CRAMP1: variants seen among roughly 807,000 people sequenced by gnomAD.
The protein encoded by CRAMP1 is cramped chromatin regulator 1.
CRAMP1 carries 50 observed loss-of-function variants against 115.4 expected under a neutral mutation model. The observed-to-expected ratio is 0.43, with a 90% CI of 0.35 to 0.55. CRAMP1 has a LOEUF of 0.55. Ranked by LOEUF, CRAMP1 falls within the 20% of genes least tolerant of loss-of-function variation. The pLI is 0.01. For synonymous variants in CRAMP1, 866 were observed against 745.4 expected (o/e 1.16, Z -2.64); for missense variants, 1,679 against 1,721.7 (o/e 0.98, Z 0.44).
At chr16:1,636,096 CGTG>C (rs1199037629) in intron 4 of CRAMP1, among the ~76,000 whole-genome samples, 5 of 152,116 alleles carry the variant, frequency 3.3e-5, no homozygotes, top group Non-Finnish European at 5.9e-5. Context: ...TGAGGCCAGG[CGTG>C]GTGGCTCACG....
intron 5 of CRAMP1, among the ~76,000 whole-genome samples, chr16:1,640,012 A>G (rs2036618992): frequency 6.6e-6 from 1 of 152,130 alleles, no homozygotes; most frequent in Non-Finnish European, 1.5e-5. Flanking sequence ...GAGGTGGGGC[A>G]CGGTGACCCT....
At chr16:1,640,014 G>A (rs1418899621) in intron 5 of CRAMP1, among the ~76,000 whole-genome samples, 2 of 152,124 alleles carry the variant, frequency 1.3e-5, no homozygotes, top group Non-Finnish European at 2.9e-5. Context: ...GGTGGGGCAC[G>A]GTGACCCTGT....
chr16:1,659,368 T>G (rs1185461412), intron 10 of CRAMP1, among the ~76,000 whole-genome samples: 1 of 152,082 alleles, frequency 6.6e-6, no homozygotes, highest in Non-Finnish European at 1.5e-5. Flanking sequence ...CCAGTGACTT[T>G]TATTGATTGA....
At chr16:1,645,992 G>A (rs1055752393) in intron 6 of CRAMP1, among the ~76,000 whole-genome samples, 1 of 151,938 alleles carries the variant, frequency 6.6e-6, no homozygotes, top group South Asian at 2.1e-4. Flanking sequence ...CTGTAATTTT[G>A]CCTTTTCCAG....
chr16:1,652,444 G>A (rs2036732399), intron 6 of CRAMP1, 52 bp from the exon 7 acceptor site: 16 of 1,492,792 alleles, frequency 1.1e-5, no homozygotes, highest in African/African-American at 1.4e-5. Flanking sequence ...TGGCCCTTCC[G>A]TCCTTCTGTT....
intron 11 of CRAMP1, among the ~76,000 whole-genome samples, chr16:1,661,725 A>G (rs1266322660): frequency 6.6e-6 from 1 of 151,310 alleles, no homozygotes; most frequent in African/African-American, 2.4e-5. Context: ...CCACCCGAGT[A>G]GTTGGGATTA....
chr16:1,626,014 G>T lies in CRAMP1; in HGVS notation c.388G>T (p.Val130Phe). 6.4e-7 allele frequency: 1 copy of T among 1,551,692 alleles called. No homozygotes were observed. The change falls in exon 3 of 21, where the codon GTT (valine) becomes TTT (phenylalanine). Residue 130 changes from valine to phenylalanine, a missense_variant. Coordinates refer to ENST00000397412, the MANE Select transcript of CRAMP1 (RefSeq NM_020825.4). ...GGSSSGNVSGVAPAAPAGGSR... is the reference protein window; with the variant it reads ...GGSSSGNVSGFAPAAPAGGSR... Reference sequence around the variant, plus strand: ...ATCATCGTCTGGAAATGTGTCTGGGGTTGCCCCTGCTGCCCCTGCAGGGGG... The same window carrying T: ...ATCATCGTCTGGAAATGTGTCTGGGTTTGCCCCTGCTGCCCCTGCAGGGGG...
intron 4 of CRAMP1, among the ~76,000 whole-genome samples, chr16:1,634,021 C>T (rs966526727): frequency 1.2e-4 from 18 of 147,542 alleles, no homozygotes; most frequent in Non-Finnish European, 1.9e-4. Context: ...AGCAAGACTC[C>T]GTCTCAAAAA....
chr16:1,612,468 C>G lies in CRAMP1; in HGVS notation c.-191C>G, dbSNP rs572558136. The G allele has an allele frequency of 2.0e-5, 3 of 151,348 alleles. No individual in the cohort carries two copies. Among genetic ancestry groups the G allele is most frequent in the East Asian group, 1.9e-4 (1 of 5,182 alleles). 9.4% of individuals were successfully genotyped at this position (151,348 alleles called of 1,614,324 possible). A position where few individuals can be genotyped will look rare whatever the true frequency, so the allele number is the denominator to read the frequency against. On this transcript the variant is annotated 5_prime_UTR_variant, in exon 1 of 21. Coordinates refer to ENST00000397412, the MANE Select transcript of CRAMP1 (RefSeq NM_020825.4). Reference sequence around the variant, plus strand: ...CGTCCGCAGCCCCCGCAGCCGCGCGCCGGCCCGCGGAGGGGACGTGCCGGG... The same window carrying G: ...CGTCCGCAGCCCCCGCAGCCGCGCGGCGGCCCGCGGAGGGGACGTGCCGGG...
At chr16:1,616,193 A>T (rs1435154122) in intron 2 of CRAMP1, among the ~76,000 whole-genome samples, 1 of 152,248 alleles carries the variant, frequency 6.6e-6, no homozygotes, top group Non-Finnish European at 1.5e-5. Flanking sequence ...ATCAATTTGG[A>T]AAACATGAGT....
rs1348489679 is a variant in CRAMP1, at chr16:1,674,074, T to C, written c.*29T>C. 3.1e-6 allele frequency: 5 copies of C among 1,605,076 alleles called. No homozygotes were observed. The Admixed American group carries it at 8.5e-5, about 27-fold the overall frequency. On this transcript the variant is annotated 3_prime_UTR_variant, in exon 21 of 21. Transcript: ENST00000397412. ...CACGTCCTGGTGGCGGATGAAGCCC[T>C]CTTCGAGCTAGAGAAAAATAGATAA... is the stretch of plus-strand genomic sequence containing the variant.
At chr16:1,670,413 T>C (rs1368083821) in intron 19 of CRAMP1, 3 of 390,328 alleles carry the variant, frequency 7.7e-6, no homozygotes, top group African/African-American at 7.2e-5. Flanking sequence ...GGGTGGGGGA[T>C]GGCAGTGAGG....
intron 6 of CRAMP1, among the ~76,000 whole-genome samples, chr16:1,648,984 G>A (rs952353024): frequency 1.1e-4 from 17 of 151,872 alleles, no homozygotes; most frequent in African/African-American, 3.1e-4. Context: ...GTGTGAACCC[G>A]GCAGGCGGAG....
chr16:1,641,519 G>C (rs893163436), intron 6 of CRAMP1, among the ~76,000 whole-genome samples: 1 of 152,166 alleles, frequency 6.6e-6, no homozygotes, highest in African/African-American at 2.4e-5. Flanking sequence ...TGTGGGGCTG[G>C]TCCCCGGCTT....
chr16:1,667,907 T>A, intron 17 of CRAMP1, 55 bp from the exon 18 acceptor site: 1 of 1,168,170 alleles, frequency 8.6e-7, no homozygotes. Context: ...TTTCTTCCCT[T>A]GTCATGGGTT....
At chr16:1,619,717 T>C (rs2036450457) in intron 2 of CRAMP1, among the ~76,000 whole-genome samples, 1 of 152,138 alleles carries the variant, frequency 6.6e-6, no homozygotes, top group African/African-American at 2.4e-5. Flanking sequence ...ACAGCGCTGG[T>C]CAGAGCATGC....
At position 1,674,241 on chromosome 16, in the gene CRAMP1, A is replaced by G; in HGVS notation, c.*196A>G. 2 of 604,014 alleles carry G rather than the reference A, an allele frequency of 3.3e-6. No homozygotes were observed. The highest frequency in any genetic ancestry group is 5.8e-6 in the Non-Finnish European group (2 of 343,212). The allele number at this position is 604,014 out of a possible 1,614,324, so 37.4% of individuals were successfully genotyped here. A position where few individuals can be genotyped will look rare whatever the true frequency, so the allele number is the denominator to read the frequency against. On this transcript the variant is annotated 3_prime_UTR_variant, in exon 21 of 21. Transcript: ENST00000397412. ...AGGAGACTAGGATGAGTTCTTGGCAAGGGCCAGCGTTAGAAATCACTGTGG... is the reference window on the plus strand; with the variant it reads ...AGGAGACTAGGATGAGTTCTTGGCAGGGGCCAGCGTTAGAAATCACTGTGG...
chr16:1,632,105 C>T (rs1335585353), intron 3 of CRAMP1, 107 bp from the exon 4 acceptor site: 15 of 1,218,964 alleles, frequency 1.2e-5, no homozygotes, highest in East Asian at 1.0e-4. Context: ...TGTTTGACTA[C>T]AGCCTGTCTC....
At chr16:1,625,733 A>G (rs2036502654) in intron 2 of CRAMP1, 1 of 443,980 alleles carries the variant, frequency 2.3e-6, no homozygotes, top group Middle Eastern at 6.0e-4. Flanking sequence ...TTCCACATAA[A>G]ATCTTGCTCC....
Sources: gnomAD v4.1 joint callset for allele counts (sites outside exome capture counted in the v4.1 genomes callset) on GRCh38, gnomAD v4.1.1 for gene constraint, MANE v1.5 for transcripts, NCBI Gene and HGNC (gene_info 2026-07-23, HGNC 2026-07-21) for gene names.